MAP2K5: variants seen among roughly 807,000 people sequenced by gnomAD.
MAP2K5 encodes the protein dual specificity mitogen-activated protein kinase kinase 5.
A neutral mutation model predicts 83.1 loss-of-function variants in MAP2K5; 49 were observed. The ratio of observed to expected loss-of-function variants is 0.59; its 90% CI spans 0.47 to 0.75. MAP2K5 has a LOEUF of 0.75. MAP2K5 is among the 30% of genes least tolerant of loss of function. The pLI is 0.00. For synonymous variants in MAP2K5, 202 were observed against 191.8 expected (o/e 1.05, Z -0.44); for missense variants, 457 against 557.5 (o/e 0.82, Z 1.82).
chr15:67,759,559 C>CA (rs57643226), intron 19 of MAP2K5, among the ~76,000 whole-genome samples: 124,277 of 141,344 alleles, frequency 0.88, 54,459 homozygotes, highest in Middle Eastern at 0.92. Flanking sequence ...GACTGTGTCT[C>CA]AAAAAAAAAA....
rs771473899 is a variant in MAP2K5 at position 67,580,821 on chromosome 15, G to T, written c.320G>T (p.Arg107Ile). 5.6e-6 allele frequency: 9 copies of T among 1,603,098 alleles called. No individual in the cohort carries two copies. The highest frequency in any genetic ancestry group is 8.5e-7 in the Non-Finnish European group (1 of 1,171,422). ...ATAGAGCCTCTGCAGATATTTCCAA[G>T]AGGTAATGTTGAGCAAATTCTAATC... ...QLIEPLQIFP[R>I]ACKPPGERNI... Residue 107 changes from arginine to isoleucine, a missense_variant and splice_region_variant, in exon 4 of 22, where the codon AGA becomes ATA. Physicochemically the swap from Arg to Ile is moderately conservative, Grantham distance 97. Transcript: ENST00000178640.
rs942471354 is a variant in MAP2K5 at position 67,786,899 on chromosome 15, A to G, written c.1242+14147A>G. 6.6e-6 allele frequency among the ~76,000 whole-genome samples: 1 copy of G among 152,216 alleles called. No homozygotes were observed. The highest frequency in any genetic ancestry group is 1.5e-5 in the Non-Finnish European group (1 of 68,028). On this transcript the variant is annotated intron_variant, in intron 21 of 21. Transcript: ENST00000178640. The surrounding 1 kb of genome is among the most constrained non-coding windows in gnomAD (Gnocchi z 4.7). Reference sequence around the variant, plus strand: ...TGTCATCATCATCACTGCTAATAACAAGAGGGAAGACATTCCAGGGAGAGA... The same window carrying G: ...TGTCATCATCATCACTGCTAATAACGAGAGGGAAGACATTCCAGGGAGAGA...
intron 8 of MAP2K5, among the ~76,000 whole-genome samples, chr15:67,618,879 T>C (rs1392728700): frequency 6.6e-6 from 1 of 152,188 alleles, no homozygotes; most frequent in Non-Finnish European, 1.5e-5. Flanking sequence ...CTATCCTTGC[T>C]TTCCTGTAAT....
intron 13 of MAP2K5, chr15:67,680,095 C>T (rs1200967042): frequency 6.6e-6 from 1 of 152,252 alleles, no homozygotes; most frequent in Non-Finnish European, 1.5e-5. Context: ...TTGTGCCTGA[C>T]TTCTTTCACT....
intron 6 of MAP2K5, among the ~76,000 whole-genome samples, chr15:67,592,075 T>C (rs1284331133): frequency 6.9e-6 from 1 of 144,452 alleles, no homozygotes; most frequent in East Asian, 2.0e-4. Flanking sequence ...CGCACCATTG[T>C]ACTTTGCACT....
At chr15:67,771,460 TA>T (rs1478349708) in intron 20 of MAP2K5, among the ~76,000 whole-genome samples, 1 of 152,172 alleles carries the variant, frequency 6.6e-6, no homozygotes, top group Non-Finnish European at 1.5e-5. Context: ...AATCAGCTGT[TA>T]TTTAAAAGTT....
chr15:67,614,022 T>C (rs2085997539), intron 8 of MAP2K5, among the ~76,000 whole-genome samples: 1 of 152,178 alleles, frequency 6.6e-6, no homozygotes, highest in Non-Finnish European at 1.5e-5. Flanking sequence ...AAATCAACAC[T>C]GACCATATCC....
chr15:67,744,093 C>G (rs1014467705), intron 17 of MAP2K5, among the ~76,000 whole-genome samples: 8 of 152,210 alleles, frequency 5.3e-5, no homozygotes, highest in African/African-American at 1.9e-4. Flanking sequence ...ACTAGATCAT[C>G]TCTGGGGTTC....
In MAP2K5 at chr15:67,795,642, GT is replaced by G. The variant is rs781050003; in HGVS notation, c.1243-10999del. Reference sequence around the variant, plus strand: ...GACTCCCTTAGAACATGGTCATTTGGTTTTTCCCCCCAGTGTTCTCTCTTTG... The same window carrying G: ...GACTCCCTTAGAACATGGTCATTTGGTTTTCCCCCCAGTGTTCTCTCTTTG... On this transcript the variant is annotated intron_variant, in intron 21 of 21. Transcript: ENST00000178640. 3.1e-3 allele frequency among the ~76,000 whole-genome samples: 475 copies of G among 152,118 alleles called. 2 individuals are homozygous for G. The highest frequency in any genetic ancestry group is 0.011 in the African/African-American group (458 of 41,502).
rs1439374593 is a variant in MAP2K5, at chr15:67,565,323, G to A, written c.252+1973G>A. ...TGGCTCACTGCAACCTCTGTCTCCC[G>A]GGTTTAAGCAATTCTCCTGCCTCAG... On this transcript the variant is annotated intron_variant, in intron 3 of 21. Transcript: ENST00000178640. This position sits in a 1 kb window ranked among gnomAD's most constrained non-coding sequence, Gnocchi z 4.1. Among the ~76,000 whole-genome samples, 10 of 152,074 alleles carry A rather than the reference G, an allele frequency of 6.6e-5. No individual in the cohort carries two copies. Among genetic ancestry groups the A allele is most frequent in the African/African-American group, 1.2e-4 (5 of 41,482 alleles).
rs979336484 is a variant in MAP2K5 at position 67,770,663 on chromosome 15, T to G, written c.1196+1000T>G. 6.6e-6 allele frequency among the ~76,000 whole-genome samples: 1 copy of G among 152,220 alleles called. No individual in the cohort carries two copies. The highest frequency in any genetic ancestry group is 1.5e-5 in the Non-Finnish European group (1 of 68,036). The stretch of plus-strand genomic sequence containing the variant: ...TGTGGCAAAGTAATGTTATCAGGAT[T>G]CTTGCTAACCAAAATCGTTGTGTGC... On this transcript the variant is annotated intron_variant, in intron 20 of 21. Transcript: ENST00000178640. The surrounding 1 kb of genome is among the most constrained non-coding windows in gnomAD (Gnocchi z 5.0).
chr15:67,711,670 C>T (rs545433463), intron 16 of MAP2K5, among the ~76,000 whole-genome samples: 11 of 43,088 alleles, frequency 2.6e-4, no homozygotes, highest in Non-Finnish European at 4.9e-4. Flanking sequence ...CAGGCGTGCA[C>T]GCACACACAC....
At position 67,802,193 on chromosome 15, in the gene MAP2K5, A is replaced by C. The variant is rs1214880439; in HGVS notation, c.1243-4453A>C. On this transcript the variant is annotated intron_variant, in intron 21 of 21. Transcript: ENST00000178640. This position sits in a 1 kb window ranked among gnomAD's most constrained non-coding sequence, Gnocchi z 5.0. ...GTGGCCAGGAATTAGGGACGTTAGT[A>C]CAGAGGCAAAGAGTCAAACTAGTGA... 6.6e-6 allele frequency among the ~76,000 whole-genome samples: 1 copy of C among 152,262 alleles called. No homozygotes were observed. Among genetic ancestry groups the C allele is most frequent in the East Asian group, 1.9e-4 (1 of 5,194 alleles).
Position 67,724,553 on chromosome 15 carries a change from C to T in MAP2K5, c.1045-3363C>T, listed in dbSNP as rs538152941. The stretch of plus-strand genomic sequence containing the variant: ...GTGACTACAGACACGTGCCACCACA[C>T]GCCTCTCATTTTTGTAGAGAACTCG... On this transcript the variant is annotated intron_variant, in intron 16 of 21. Transcript: ENST00000178640. This position sits in a 1 kb window ranked among gnomAD's most constrained non-coding sequence, Gnocchi z 4.4. Among the ~76,000 whole-genome samples, 18 of 152,284 alleles carry T rather than the reference C, an allele frequency of 1.2e-4. No homozygotes were observed. Among genetic ancestry groups the T allele is most frequent in the African/African-American group, 1.7e-4 (7 of 41,552 alleles).
At position 67,573,091 on chromosome 15, in the gene MAP2K5, G is replaced by A. The variant is rs1345514270; in HGVS notation, c.253-7663G>A. 1.3e-5 allele frequency among the ~76,000 whole-genome samples: 2 copies of A among 152,092 alleles called. No homozygotes were observed. The highest frequency in any genetic ancestry group is 6.5e-5 in the Admixed American group (1 of 15,272). On this transcript the variant is annotated intron_variant, in intron 3 of 21. Coordinates refer to ENST00000178640, the MANE Select transcript of MAP2K5 (RefSeq NM_145160.3). The surrounding 1 kb of genome is among the most constrained non-coding windows in gnomAD (Gnocchi z 4.2). ...CTGAACCTGGGTATGTTTAGTAAAC[G>A]TTATCAATCTGTTCCCTTAATCATA...
chr15:67,674,429 C>T (rs536614554), intron 13 of MAP2K5, among the ~76,000 whole-genome samples: 5 of 151,984 alleles, frequency 3.3e-5, no homozygotes, highest in South Asian at 2.1e-4. Flanking sequence ...TCACATCCAG[C>T]GCTATAGTAG....
rs940726101 is a variant in MAP2K5, at chr15:67,764,999, A to T, written c.1135-4603A>T. 6.6e-6 allele frequency among the ~76,000 whole-genome samples: 1 copy of T among 152,230 alleles called. No homozygotes were observed. Among genetic ancestry groups the T allele is most frequent in the Non-Finnish European group, 1.5e-5 (1 of 68,042 alleles). ...ATTTTTAGATTTACATACAGTTGTA[A>T]GAAATAATACTGAGAGATCCTGTGT... On this transcript the variant is annotated intron_variant, in intron 19 of 21. Transcript: ENST00000178640. The surrounding 1 kb of genome is among the most constrained non-coding windows in gnomAD (Gnocchi z 4.9).
intron 5 of MAP2K5, among the ~76,000 whole-genome samples, chr15:67,586,399 G>C (rs1051952993): frequency 3.9e-5 from 6 of 152,154 alleles, no homozygotes; most frequent in African/African-American, 1.4e-4. Context: ...TTTTGTATTA[G>C]GCTCAAATAT....
chr15:67,757,737 G>A lies in MAP2K5; in HGVS notation c.1134+9136G>A, dbSNP rs2089868123. ...GACTTGATGGCCTGGGCTCTCGGAGGACCACAGTGACTATCATTTTAACCA... is the reference window on the plus strand; with the variant it reads ...GACTTGATGGCCTGGGCTCTCGGAGAACCACAGTGACTATCATTTTAACCA... On this transcript the variant is annotated intron_variant, in intron 19 of 21. Coordinates refer to ENST00000178640, the MANE Select transcript of MAP2K5 (RefSeq NM_145160.3). This position sits in a 1 kb window ranked among gnomAD's most constrained non-coding sequence, Gnocchi z 4.9. Among the ~76,000 whole-genome samples the A allele has an allele frequency of 6.6e-6, 1 of 152,094 alleles. No individual in the cohort carries two copies. The highest frequency in any genetic ancestry group is 1.5e-5 in the Non-Finnish European group (1 of 68,008).
Sources: allele counts gnomAD v4.1 joint callset (sites outside exome capture counted in the v4.1 genomes callset), GRCh38; gene constraint gnomAD v4.1.1; non-coding constraint Gnocchi (gnomAD v3.1); transcripts MANE v1.5; gene names NCBI Gene and HGNC (gene_info 2026-07-23, HGNC 2026-07-21).